FAP: variants seen among roughly 807,000 people sequenced by gnomAD.
FAP encodes fibroblast activation protein alpha.
FAP carries 110 observed loss-of-function variants against 126.5 expected under a neutral mutation model. That is an observed-to-expected ratio of 0.87 (90% CI 0.74 to 1.02). FAP has a LOEUF of 1.02. Ranked by LOEUF, FAP falls within the 50% of genes least tolerant of loss-of-function variation. The pLI is 0.00. For missense variants in FAP, 919 were observed against 909.2 expected (o/e 1.01, Z -0.14); for synonymous variants, 334 against 297.3 (o/e 1.12, Z -1.27).
At chr2:162,188,536 A>G (rs1687931537) in intron 19 of FAP, among the ~76,000 whole-genome samples, 173 bp from the exon 20 acceptor site, 1 of 152,048 alleles carries the variant, frequency 6.6e-6, no homozygotes, top group African/African-American at 2.4e-5. Flanking sequence ...GAGGTTTGCT[A>G]CAAGGAAGTT....
At chr2:162,241,801 T>G (rs1250785224) in intron 2 of FAP, among the ~76,000 whole-genome samples, 1 of 152,214 alleles carries the variant, frequency 6.6e-6, no homozygotes, top group East Asian at 1.9e-4. Context: ...AATCTTGTGC[T>G]GGCAGAGAGC....
rs1687920341 is a variant in FAP, at chr2:162,188,253, G to A, written c.1730C>T (p.Thr577Ile). Residue 577 changes from threonine to isoleucine, a missense_variant, in exon 20 of 26, where the codon ACA becomes ATA. Transcript: ENST00000188790. ...GAGGAGTTTGTCACCTTGGAAAGCT[G>A]TTCCTCGACCATCCACCAAGGCAAT... The part of the protein sequence containing the change: ...MVIALVDGRG[T>I]AFQGDKLLYA... 1.9e-6 allele frequency: 3 copies of A among 1,613,334 alleles called. No individual in the cohort carries two copies. The highest frequency in any genetic ancestry group is 2.5e-6 in the Non-Finnish European group (3 of 1,179,514).
chr2:162,198,174 C>T, intron 16 of FAP: 1 of 1,287,404 alleles, frequency 7.8e-7, no homozygotes, highest in Non-Finnish European at 1.0e-6. Context: ...TGATGCATTA[C>T]TTACGATGTT....
chr2:162,181,392 C>T (rs570549935), intron 21 of FAP, among the ~76,000 whole-genome samples: 1 of 152,192 alleles, frequency 6.6e-6, no homozygotes, highest in Non-Finnish European at 1.5e-5. Context: ...AGACTATTAT[C>T]TGTATACTTG....
intron 2 of FAP, among the ~76,000 whole-genome samples, chr2:162,238,110 T>C (rs549892632): frequency 6.6e-6 from 1 of 152,280 alleles, no homozygotes; most frequent in African/African-American, 2.4e-5. Context: ...CTTTGTCAGG[T>C]GGAGAGATTG....
intron 16 of FAP, chr2:162,195,053 G>A (rs1170071096): frequency 1.1e-5 from 4 of 376,486 alleles, no homozygotes; most frequent in Non-Finnish European, 1.5e-5. Flanking sequence ...GTGACAAATG[G>A]CCTTCTGGGA....
chr2:162,181,618 A>G (rs1035919598), intron 21 of FAP, among the ~76,000 whole-genome samples: 1 of 152,132 alleles, frequency 6.6e-6, no homozygotes, highest in Non-Finnish European at 1.5e-5. Context: ...TAGCTCCCAC[A>G]GCCATAATTA....
Position 162,202,910 on chromosome 2 carries a change from C to T in FAP, c.1185G>A (p.Trp395Ter). 1 of 1,613,650 alleles carries T rather than the reference C, an allele frequency of 6.2e-7. No individual in the cohort carries two copies. ...ENAIQITSGK[W>*]EAINIFRVTQ... ...TTACTCTGAATATATTTATGGCCTC[C>T]CACTTGCCACTTGTAATTTGAATAG... The change falls in exon 14 of 26, where the codon TGG becomes TGA. Residue 395 changes from tryptophan to a stop codon, truncating the protein, a stop_gained. Transcript: ENST00000188790. LOFTEE classifies it high-confidence loss of function.
In FAP at chr2:162,219,933, G is replaced by T; in HGVS notation, c.414-8C>A. On this transcript the variant is annotated splice_region_variant and splice_polypyrimidine_tract_variant and intron_variant, in intron 6 of 25. Transcript: ENST00000188790. ...TTTCCTCTTACAAATTCTCTAGAAG[G>T]AAAGAAAGAAAGAAAAACAACAAAC... 1 of 1,575,994 alleles carries T rather than the reference G, an allele frequency of 6.3e-7. No homozygotes were observed. The highest frequency in any genetic ancestry group is 8.7e-7 in the Non-Finnish European group (1 of 1,148,806).
intron 15 of FAP, 95 bp downstream of exon 15, chr2:162,200,471 A>G (rs1029568545): frequency 1.2e-5 from 8 of 689,842 alleles, no homozygotes; most frequent in Admixed American, 8.4e-5. Flanking sequence ...ATTATGTGCC[A>G]TACTTTAAAA....
chr2:162,174,884 G>C lies in FAP; in HGVS notation c.1952C>G (p.Ser651Cys). The C allele has an allele frequency of 6.2e-7, 1 of 1,611,240 alleles. No homozygotes were observed. Among genetic ancestry groups the C allele is most frequent in the Non-Finnish European group, 8.5e-7 (1 of 1,177,842 alleles). ...TTCCATACCGTAATATTCCCAGCTGGAGACTGGAGCCACTGCTATACCACA... is the reference window on the plus strand; with the variant it reads ...TTCCATACCGTAATATTCCCAGCTGCAGACTGGAGCCACTGCTATACCACA... ...FKCGIAVAPV[S>C]SWEYYASVYT... The change falls in exon 22 of 26, where the codon TCC (serine) becomes TGC (cysteine). Residue 651 changes from serine to cysteine, a missense_variant. Physicochemically the swap from Ser to Cys is moderately radical, Grantham distance 112. Coordinates refer to ENST00000188790, the MANE Select transcript of FAP (RefSeq NM_004460.5).
intron 12 of FAP, among the ~76,000 whole-genome samples, chr2:162,204,125 CAA>C (rs1688606301): frequency 6.6e-6 from 1 of 152,080 alleles, no homozygotes; most frequent in African/African-American, 2.4e-5. Flanking sequence ...GCAACAACAA[CAA>C]AAAGCTACTA....
chr2:162,194,639 G>A (rs372479844), intron 17 of FAP, 62 bp downstream of exon 17: 756 of 1,455,786 alleles, frequency 5.2e-4, no homozygotes, highest in Non-Finnish European at 6.8e-4. Context: ...TTTCTCTAGC[G>A]GAGCATCACA....
At chr2:162,185,184 G>A (rs1687822012) in intron 20 of FAP, among the ~76,000 whole-genome samples, 1 of 152,084 alleles carries the variant, frequency 6.6e-6, no homozygotes, top group Non-Finnish European at 1.5e-5. Context: ...TGAAAAGGAT[G>A]TTTTTCTAAT....
At chr2:162,232,444 A>G (rs886214190) in intron 2 of FAP, among the ~76,000 whole-genome samples, 4 of 152,230 alleles carry the variant, frequency 2.6e-5, no homozygotes, top group African/African-American at 7.2e-5. Flanking sequence ...ATAATAAAAC[A>G]ACAACATACA....
intron 22 of FAP, among the ~76,000 whole-genome samples, chr2:162,174,529 G>A (rs1045986345): frequency 1.3e-5 from 2 of 152,146 alleles, no homozygotes; most frequent in African/African-American, 4.8e-5. Context: ...GCCTGACCGT[G>A]CTGAAGATGT....
At chr2:162,242,332 C>T (rs1690386799) in intron 2 of FAP, among the ~76,000 whole-genome samples, 1 of 152,106 alleles carries the variant, frequency 6.6e-6, no homozygotes, top group African/African-American at 2.4e-5. Context: ...TAAAAGGATC[C>T]AATTTATGAC....
chr2:162,224,766 C>T (rs73973050), intron 4 of FAP, among the ~76,000 whole-genome samples: 5,530 of 151,902 alleles, frequency 0.036, 346 homozygotes, highest in African/African-American at 0.13. Context: ...TTTCAAGAAA[C>T]ATAAACTTTC....
At chr2:162,210,280 C>T (rs1026076496) in intron 11 of FAP, among the ~76,000 whole-genome samples, 4 of 152,164 alleles carry the variant, frequency 2.6e-5, no homozygotes, top group South Asian at 4.1e-4. Flanking sequence ...CAGCACAATC[C>T]ACTTGATGTG....
Sources: allele counts gnomAD v4.1 joint callset (sites outside exome capture counted in the v4.1 genomes callset), GRCh38; gene constraint gnomAD v4.1.1; transcripts MANE v1.5; gene names NCBI Gene and HGNC (gene_info 2026-07-23, HGNC 2026-07-21).